DIS3L2: variants seen among roughly 807,000 people sequenced by gnomAD.
DIS3L2 encodes the protein DIS3-like exonuclease 2.
Under a neutral mutation model 97.5 loss-of-function variants are expected in DIS3L2, and 34 were observed. The observed-to-expected ratio is 0.35, with a 90% confidence interval of 0.27 to 0.46. DIS3L2 has a LOEUF of 0.46. Ranked by LOEUF, DIS3L2 falls within the 20% of genes least tolerant of loss-of-function variation. The pLI is 1.00. For synonymous variants in DIS3L2, 435 were observed against 445.2 expected, an observed-to-expected ratio of 0.98 and a Z score of 0.29; for missense variants, 1,038 against 1,146.0, an observed-to-expected ratio of 0.91 and a Z score of 1.36.
At chr2:232,297,957 A>G (rs544205496) in intron 13 of DIS3L2, among the ~76,000 whole-genome samples, 6 of 152,152 alleles carry the variant, frequency 3.9e-5, no homozygotes, top group Non-Finnish European at 8.8e-5. Flanking sequence ...TCGGCCTCCC[A>G]AAGTGCTAGG....
At chr2:232,225,292 C>T (rs1489415731) in intron 10 of DIS3L2, among the ~76,000 whole-genome samples, 2 of 152,246 alleles carry the variant, frequency 1.3e-5, no homozygotes, top group East Asian at 3.9e-4. Flanking sequence ...TTCATAGCAC[C>T]ATCACTCATA....
At chr2:232,176,294 G>A (rs1352742357) in intron 9 of DIS3L2, among the ~76,000 whole-genome samples, 1 of 152,146 alleles carries the variant, frequency 6.6e-6, no homozygotes, top group Non-Finnish European at 1.5e-5. Context: ...AAGATTGTTA[G>A]TAATATTTGC....
intron 10 of DIS3L2, among the ~76,000 whole-genome samples, chr2:232,219,490 A>G (rs1017235302): frequency 2.0e-5 from 3 of 152,068 alleles, no homozygotes; most frequent in South Asian, 2.1e-4. Flanking sequence ...ATCCTGACAT[A>G]TAAGTCTCAT....
downstream of DIS3L2, among the ~76,000 whole-genome samples, chr2:232,340,254 CT>C (rs1226879924): frequency 1.3e-5 from 2 of 152,164 alleles, no homozygotes; most frequent in Non-Finnish European, 2.9e-5. Context: ...CGTAGCTGAC[CT>C]GAGAAAGGCG....
chr2:232,166,218 C>T (rs369656520), intron 9 of DIS3L2, among the ~76,000 whole-genome samples: 3 of 152,094 alleles, frequency 2.0e-5, no homozygotes, highest in South Asian at 4.1e-4. Flanking sequence ...ATAATCATGC[C>T]GCTACACTCC....
rs576078227 is a variant in DIS3L2 at position 231,984,131 on chromosome 2, G to A, written c.-94+22366G>A. 3.3e-5 allele frequency among the ~76,000 whole-genome samples: 5 copies of A among 151,460 alleles called. No individual in the cohort carries two copies. The South Asian group carries it at 1.0e-3, about 32-fold the overall frequency. ...TTTATATCACCTTTTTTGTTATGTA[G>A]CAGACTATCTCCTTTAGAACATTAT... is the stretch of plus-strand genomic sequence containing the variant. On this transcript the variant is annotated intron_variant, in intron 1 of 20. Coordinates refer to ENST00000325385, the MANE Select transcript of DIS3L2 (RefSeq NM_152383.5).
chr2:231,969,509 C>T (rs1426349302), intron 1 of DIS3L2, among the ~76,000 whole-genome samples: 1 of 152,006 alleles, frequency 6.6e-6, no homozygotes, highest in Admixed American at 6.6e-5. Flanking sequence ...CGGGGTTTCA[C>T]CATGTTGGCC....
intron 13 of DIS3L2, among the ~76,000 whole-genome samples, chr2:232,270,410 T>G (rs1693956512): frequency 6.6e-6 from 1 of 152,234 alleles, no homozygotes; most frequent in Non-Finnish European, 1.5e-5. Flanking sequence ...TAGTTTTTAT[T>G]TATATTCTGC....
At chr2:232,162,115 G>C (rs930573763) in intron 8 of DIS3L2, among the ~76,000 whole-genome samples, 1 of 152,042 alleles carries the variant, frequency 6.6e-6, no homozygotes, top group Non-Finnish European at 1.5e-5. Context: ...TTAACCTATG[G>C]GTTGTTGGAT....
At chr2:232,171,061 G>A (rs764161826) in intron 9 of DIS3L2, among the ~76,000 whole-genome samples, 5 of 152,176 alleles carry the variant, frequency 3.3e-5, no homozygotes, top group South Asian at 2.1e-4. Context: ...TTGAAGGAGC[G>A]CTGGAAGTTA....
intron 5 of DIS3L2, among the ~76,000 whole-genome samples, chr2:232,079,922 A>G (rs1479263532): frequency 6.6e-6 from 1 of 152,218 alleles, no homozygotes; most frequent in Non-Finnish European, 1.5e-5. Flanking sequence ...GGATAGAAAA[A>G]TGTCTTGATA....
intron 5 of DIS3L2, among the ~76,000 whole-genome samples, chr2:232,045,564 G>A (rs1464330308): frequency 6.6e-6 from 1 of 152,018 alleles, no homozygotes; most frequent in Non-Finnish European, 1.5e-5. Context: ...GGCAGAAAGT[G>A]GAACAGCAAG....
intron 1 of DIS3L2, among the ~76,000 whole-genome samples, chr2:231,970,078 T>TG (rs1692851045): frequency 2.0e-5 from 3 of 152,066 alleles, no homozygotes; most frequent in Admixed American, 6.6e-5. Flanking sequence ...CCCAAGTAGC[T>TG]GGGACCACAT....
At chr2:232,299,988 A>T (rs924143968) in intron 13 of DIS3L2, 52 bp from the exon 14 acceptor site, 1 of 1,545,544 alleles carries the variant, frequency 6.5e-7, no homozygotes, top group Non-Finnish European at 8.9e-7. Context: ...AGCTATTGGA[A>T]TGAATAGAGC....
chr2:232,077,072 G>A (rs915128091), intron 5 of DIS3L2, among the ~76,000 whole-genome samples: 4 of 152,060 alleles, frequency 2.6e-5, no homozygotes, highest in African/African-American at 9.7e-5. Context: ...GCTTAGTTCT[G>A]TTCCTTTAAG....
At chr2:232,041,384 G>C (rs949492344) in intron 5 of DIS3L2, among the ~76,000 whole-genome samples, 6 of 152,140 alleles carry the variant, frequency 3.9e-5, no homozygotes, top group African/African-American at 1.4e-4. Flanking sequence ...GGGTCCTACT[G>C]GGGCTTTGGG....
At chr2:232,159,115 ACT>A (rs1690579361) in intron 8 of DIS3L2, among the ~76,000 whole-genome samples, 1 of 152,132 alleles carries the variant, frequency 6.6e-6, no homozygotes, top group Admixed American at 6.5e-5. Flanking sequence ...AGAAAAACCA[ACT>A]CTGGTTGGGA....
chr2:232,185,466 A>G (rs1405813161), intron 9 of DIS3L2, among the ~76,000 whole-genome samples: 3 of 152,238 alleles, frequency 2.0e-5, no homozygotes, highest in Non-Finnish European at 4.4e-5. Flanking sequence ...AGGAAAATTT[A>G]TAGCTCCAAG....
intron 1 of DIS3L2, among the ~76,000 whole-genome samples, chr2:232,014,417 C>T (rs998582722): frequency 5.3e-5 from 8 of 152,224 alleles, no homozygotes; most frequent in East Asian, 3.9e-4. Context: ...ATCATTTGTC[C>T]GGAGTTGGAC....
Sources: allele counts gnomAD v4.1 joint callset (sites outside exome capture counted in the v4.1 genomes callset), GRCh38; gene constraint gnomAD v4.1.1; transcripts MANE v1.5; gene names NCBI Gene and HGNC (gene_info 2026-07-23, HGNC 2026-07-21).